METTL15: variants seen among roughly 807,000 people sequenced by gnomAD.
METTL15 encodes 12S rRNA N(4)-cytidine methyltransferase METTL15.
In METTL15, 34 loss-of-function variants were observed where a neutral mutation model predicts 38.3. The ratio of observed to expected loss-of-function variants is 0.89; its 90% CI spans 0.68 to 1.18. The LOEUF (loss-of-function observed/expected upper bound fraction) is 1.18, where lower values mean the gene tolerates loss of function less well. Among genes scored for constraint, METTL15 ranks in the 50% most tolerant of loss-of-function variants. The pLI, the probability that METTL15 is intolerant of heterozygous loss-of-function variation, is 0.00. For missense variants in METTL15, 438 were observed against 498.4 expected, an observed-to-expected ratio of 0.88 and a Z score of 1.15; for synonymous variants, 162 against 170.9, an observed-to-expected ratio of 0.95 and a Z score of 0.41.
At chr11:28,141,527 T>A (rs1239464914) in intron 3 of METTL15, among the ~76,000 whole-genome samples, 2 of 150,910 alleles carry the variant, frequency 1.3e-5, no homozygotes, top group Non-Finnish European at 3.0e-5. Flanking sequence ...TACAAAAAAA[T>A]TAAAAAAAAA....
At chr11:28,229,576 A>G (rs1448889410) in intron 4 of METTL15, among the ~76,000 whole-genome samples, 1 of 151,980 alleles carries the variant, frequency 6.6e-6, no homozygotes, top group Admixed American at 6.6e-5. Context: ...ATGCTCTTAT[A>G]AAAGATTGCA....
At chr11:28,412,172 A>C (rs1468292257) in intron 5 of METTL15, among the ~76,000 whole-genome samples, 1 of 151,976 alleles carries the variant, frequency 6.6e-6, no homozygotes, top group East Asian at 1.9e-4. Context: ...GCCATTATGG[A>C]AAACTGTAGG....
intron 3 of METTL15, among the ~76,000 whole-genome samples, chr11:28,158,559 A>T (rs1850341372): frequency 6.6e-6 from 1 of 152,136 alleles, no homozygotes; most frequent in Non-Finnish European, 1.5e-5. Context: ...TCCATCATGG[A>T]ATGGGCAGAG....
intron 6 of METTL15, among the ~76,000 whole-genome samples, chr11:28,314,233 G>A (rs906099657): frequency 6.6e-6 from 1 of 152,196 alleles, no homozygotes; most frequent in Non-Finnish European, 1.5e-5. Flanking sequence ...AAGCTTATAT[G>A]TCAGTAGGAA....
Position 28,272,101 on chromosome 11 carries a change from C to T in METTL15, c.408-18105C>T, listed in dbSNP as rs138825449. 1.8e-3 allele frequency among the ~76,000 whole-genome samples: 271 copies of T among 152,238 alleles called. 1 individual carries two copies. Among genetic ancestry groups the T allele is most frequent in the Non-Finnish European group, 3.0e-3 (201 of 68,016 alleles). On this transcript the variant is annotated intron_variant, in intron 4 of 6. Transcript: ENST00000407364. ...TGGAGAGGATGTGGAAAAATAGGAACGCTCTTACACTGTTGGTGGGAATGT... is the reference window on the plus strand; with the variant it reads ...TGGAGAGGATGTGGAAAAATAGGAATGCTCTTACACTGTTGGTGGGAATGT...
chr11:28,514,594 C>A (rs1851704270), intron 6 of METTL15, among the ~76,000 whole-genome samples: 1 of 152,212 alleles, frequency 6.6e-6, no homozygotes, highest in Non-Finnish European at 1.5e-5. Context: ...TCATCCCCCG[C>A]ACTTACAATC....
chr11:28,143,343 C>G (rs1047646460), intron 3 of METTL15, among the ~76,000 whole-genome samples: 3 of 152,118 alleles, frequency 2.0e-5, no homozygotes, highest in Admixed American at 1.3e-4. Flanking sequence ...GAAGCAAGTT[C>G]TTTATGCATT....
At chr11:28,117,459 A>G (rs912052132) in intron 3 of METTL15, among the ~76,000 whole-genome samples, 7 of 151,994 alleles carry the variant, frequency 4.6e-5, no homozygotes, top group African/African-American at 1.7e-4. Context: ...AAAAACAAAC[A>G]AAAACAAATT....
chr11:28,175,926 T>A (rs1157013477), intron 3 of METTL15, among the ~76,000 whole-genome samples: 1 of 151,906 alleles, frequency 6.6e-6, no homozygotes, highest in Non-Finnish European at 1.5e-5. Flanking sequence ...TATATATATA[T>A]GTATAGGCAT....
intron 5 of METTL15, among the ~76,000 whole-genome samples, chr11:28,400,707 T>A (rs184552359): frequency 1.7e-3 from 252 of 152,020 alleles, no homozygotes; most frequent in African/African-American, 5.3e-3. Flanking sequence ...GTGGATAAAA[T>A]CAAAGTTTCA....
chr11:28,216,700 A>G (rs1203642922), intron 4 of METTL15, among the ~76,000 whole-genome samples: 1 of 132,386 alleles, frequency 7.6e-6, no homozygotes, highest in Non-Finnish European at 1.6e-5. Context: ...TCCAAATGCT[A>G]TCCCTCCCCC....
At chr11:28,320,208 T>G (rs1442126931) in intron 6 of METTL15, among the ~76,000 whole-genome samples, 2 of 139,908 alleles carry the variant, frequency 1.4e-5, no homozygotes, top group Non-Finnish European at 3.1e-5. Context: ...TTTTGAGCTG[T>G]GAAAACAAAG....
At position 28,113,299 on chromosome 11, in the gene METTL15, T is replaced by C; in HGVS notation, c.-17-19T>C. The C allele has an allele frequency of 6.8e-7, 1 of 1,470,668 alleles. No homozygotes were observed. Among genetic ancestry groups the C allele is most frequent in the Non-Finnish European group, 9.2e-7 (1 of 1,084,888 alleles). 91.1% of individuals were successfully genotyped at this position (1,470,668 alleles called of 1,614,324 possible). Reference sequence around the variant, plus strand: ...CTTTTAAAAAAATCCAACAATCATATTTTAATTTTTTTTTCTAGATTTGTT... The same window carrying C: ...CTTTTAAAAAAATCCAACAATCATACTTTAATTTTTTTTTCTAGATTTGTT... On this transcript the variant is annotated intron_variant, in intron 2 of 6. Coordinates refer to ENST00000407364, the MANE Select transcript of METTL15 (RefSeq NM_001113528.2).
At chr11:28,174,110 G>GAGTT (rs573940731) in intron 3 of METTL15, among the ~76,000 whole-genome samples, 10 of 152,252 alleles carry the variant, frequency 6.6e-5, no homozygotes, top group Admixed American at 6.5e-4. Context: ...AAGGAGTAGG[G>GAGTT]AGTTACACTG....
At chr11:28,354,360 T>C (rs1337375268) in intron 4 of METTL15, among the ~76,000 whole-genome samples, 1 of 152,212 alleles carries the variant, frequency 6.6e-6, no homozygotes, top group African/African-American at 2.4e-5. Context: ...AATAGTATGT[T>C]GGAGCAGTGA....
intron 6 of METTL15, among the ~76,000 whole-genome samples, chr11:28,297,871 C>T (rs963050622): frequency 6.6e-6 from 1 of 151,930 alleles, no homozygotes; most frequent in Non-Finnish European, 1.5e-5. Context: ...CTGATATTGG[C>T]TGTCTCTTTC....
intron 5 of METTL15, among the ~76,000 whole-genome samples, chr11:28,407,959 G>T (rs1850688497): frequency 6.6e-6 from 1 of 152,158 alleles, no homozygotes; most frequent in Non-Finnish European, 1.5e-5. Context: ...TATACACCAT[G>T]GAATACTGTG....
intron 6 of METTL15, among the ~76,000 whole-genome samples, chr11:28,521,564 T>C (rs1034090616): frequency 7.9e-5 from 12 of 152,120 alleles, no homozygotes; most frequent in African/African-American, 2.7e-4. Flanking sequence ...TGCTGAATAT[T>C]TGATGTTTGT....
At chr11:28,454,955 G>T (rs1590380441) in intron 6 of METTL15, among the ~76,000 whole-genome samples, 1 of 152,150 alleles carries the variant, frequency 6.6e-6, no homozygotes, top group East Asian at 1.9e-4. Context: ...GTAACTCTCA[G>T]GTGGTGTCAT....
Sources: allele counts gnomAD v4.1 joint callset (sites outside exome capture counted in the v4.1 genomes callset), GRCh38; gene constraint gnomAD v4.1.1; transcripts MANE v1.5; gene names NCBI Gene and HGNC (gene_info 2026-07-23, HGNC 2026-07-21).